The following RERE variants were observed in gnomAD, a reference collection of about 807,000 sequenced individuals.
RERE encodes the protein arginine-glutamic acid dipeptide repeats.
RERE carries 40 observed loss-of-function variants against 146.1 expected under a neutral mutation model. That is an observed-to-expected ratio of 0.27 (90% CI 0.21 to 0.36). RERE has a LOEUF of 0.36. Ranked by LOEUF, RERE falls within the 10% of genes least tolerant of loss-of-function variation. The pLI is 1.00. For synonymous variants in RERE, 1,003 were observed against 866.0 expected (o/e 1.16, Z -2.78); for missense variants, 1,933 against 2,138.7 (o/e 0.90, Z 1.90).
At chr1:8,788,201 CAAT>C (rs1459922572) in intron 1 of RERE, among the ~76,000 whole-genome samples, 4 of 151,380 alleles carry the variant, frequency 2.6e-5, no homozygotes, top group Non-Finnish European at 5.9e-5. Context: ...GCCAAGTGCC[CAAT>C]AATAGGAAAA....
chr1:8,657,171 G>A (rs1638339675), intron 1 of RERE, among the ~76,000 whole-genome samples: 1 of 151,988 alleles, frequency 6.6e-6, no homozygotes. Context: ...TGGGTGTGGT[G>A]GCGGGCGCCT....
intron 2 of RERE, among the ~76,000 whole-genome samples, chr1:8,635,977 CTTATTTTATTTTATT>C: frequency 7.3e-6 from 1 of 136,824 alleles, no homozygotes; most frequent in Non-Finnish European, 1.6e-5. Flanking sequence ...CTTATCTTAT[CTTATTTTATTTTATT>C]TTATTTTATT....
intron 11 of RERE, among the ~76,000 whole-genome samples, chr1:8,432,439 A>C (rs1224429868): frequency 6.6e-6 from 1 of 152,172 alleles, no homozygotes; most frequent in Non-Finnish European, 1.5e-5. Flanking sequence ...GCACAGCACG[A>C]GGCACTGAGT....
At chr1:8,552,292 C>T (rs1645944823) in intron 6 of RERE, among the ~76,000 whole-genome samples, 1 of 152,218 alleles carries the variant, frequency 6.6e-6, no homozygotes, top group African/African-American at 2.4e-5. Flanking sequence ...ACATCAGTTT[C>T]CTCCTGAGTG....
intron 1 of RERE, among the ~76,000 whole-genome samples, chr1:8,810,015 T>C (rs1265760853): frequency 3.3e-5 from 5 of 152,066 alleles, no homozygotes; most frequent in South Asian, 2.1e-4. Flanking sequence ...GTTGTTGTTG[T>C]TGTTGTTTGA....
At chr1:8,561,276 A>G (rs1404524425) in intron 4 of RERE, among the ~76,000 whole-genome samples, 1 of 152,240 alleles carries the variant, frequency 6.6e-6, no homozygotes, top group Non-Finnish European at 1.5e-5. Context: ...TTCACAATCA[A>G]TTCCACAGAT....
rs563424258 is a variant in RERE at position 8,647,639 on chromosome 1, G to GTA, written c.325+8332_325+8333dup. 9.8e-3 allele frequency among the ~76,000 whole-genome samples: 695 copies of GTA among 71,170 alleles called. 5 individuals carry two copies. The highest frequency in any genetic ancestry group is 0.015 in the African/African-American group (261 of 17,658). The allele number at this position is 71,170 out of a possible 152,430, so 46.7% of individuals were successfully genotyped here. On this transcript the variant is annotated intron_variant, in intron 2 of 22. Transcript: ENST00000400908. The stretch of plus-strand genomic sequence containing the variant: ...TCAAATGAGCTTCTATTTAAAATAT[G>GTA]TATGTGTGTGTGTGTGTGTGTGTGT...
chr1:8,747,871 T>A (rs953403501), intron 1 of RERE, among the ~76,000 whole-genome samples: 1 of 151,904 alleles, frequency 6.6e-6, no homozygotes, highest in Non-Finnish European at 1.5e-5. Context: ...GCCTCCCGGG[T>A]TCAAGTAATT....
chr1:8,548,592 T>A (rs1302591764), intron 6 of RERE, among the ~76,000 whole-genome samples: 4 of 152,162 alleles, frequency 2.6e-5, no homozygotes, highest in African/African-American at 9.7e-5. Flanking sequence ...GTTGTATGCA[T>A]TTGAGAATTA....
intron 7 of RERE, chr1:8,511,793 T>C (rs192922953): frequency 1.3e-5 from 2 of 150,176 alleles, no homozygotes; most frequent in Non-Finnish European, 3.0e-5. Flanking sequence ...TTTTTTTTTT[T>C]ATCCTGTATC....
intron 4 of RERE, among the ~76,000 whole-genome samples, chr1:8,580,854 A>G (rs965342938): frequency 6.6e-6 from 1 of 151,910 alleles, no homozygotes; most frequent in Admixed American, 6.6e-5. Context: ...ATGCTCAGCT[A>G]ATTTTTTTAT....
At chr1:8,734,301 A>T (rs1030254915) in intron 1 of RERE, among the ~76,000 whole-genome samples, 3 of 152,146 alleles carry the variant, frequency 2.0e-5, no homozygotes, top group Non-Finnish European at 4.4e-5. Flanking sequence ...TTTCTTCAGG[A>T]CATAAAGGAT....
chr1:8,385,993 A>AATATAT (rs1553159745), intron 12 of RERE, among the ~76,000 whole-genome samples: 38 of 26,468 alleles, frequency 1.4e-3, no homozygotes, highest in South Asian at 2.7e-3. Context: ...AAAAAAAAAA[A>AATATAT]ATATATATAT....
At chr1:8,447,703 C>G (rs1268689998) in intron 11 of RERE, among the ~76,000 whole-genome samples, 1 of 152,176 alleles carries the variant, frequency 6.6e-6, no homozygotes, top group Non-Finnish European at 1.5e-5. Flanking sequence ...CATGTGGATT[C>G]TGAGGTTTCG....
chr1:8,404,579 A>T (rs921354651), intron 12 of RERE, among the ~76,000 whole-genome samples: 11 of 152,166 alleles, frequency 7.2e-5, no homozygotes, highest in Non-Finnish European at 1.5e-4. Flanking sequence ...ATTTCAAATC[A>T]CCCTACGTTT....
chr1:8,432,020 G>A (rs1426579064), intron 11 of RERE, among the ~76,000 whole-genome samples: 6 of 152,174 alleles, frequency 3.9e-5, no homozygotes, highest in African/African-American at 9.7e-5. Context: ...ACAGGGCCAC[G>A]TCATGCCAGT....
intron 2 of RERE, among the ~76,000 whole-genome samples, chr1:8,642,725 A>G (rs916460881): frequency 1.3e-5 from 2 of 152,222 alleles, no homozygotes; most frequent in Non-Finnish European, 2.9e-5. Context: ...CAACTTTAAC[A>G]AATTGAATAT....
At chr1:8,384,368 C>T (rs189739623) in intron 12 of RERE, among the ~76,000 whole-genome samples, 2 of 152,222 alleles carry the variant, frequency 1.3e-5, no homozygotes, top group East Asian at 1.9e-4. Context: ...GATGTGCTGA[C>T]GTGCTCAGAA....
intron 12 of RERE, among the ~76,000 whole-genome samples, chr1:8,399,799 CT>C (rs145205035): frequency 2.7e-5 from 4 of 148,572 alleles, no homozygotes; most frequent in African/African-American, 5.0e-5. Flanking sequence ...TTTATTATGT[CT>C]TTTTTTAAAA....
Sources: allele counts gnomAD v4.1 joint callset (sites outside exome capture counted in the v4.1 genomes callset), GRCh38; gene constraint gnomAD v4.1.1; transcripts MANE v1.5; gene names NCBI Gene and HGNC (gene_info 2026-07-23, HGNC 2026-07-21).